EIF2B3: variants seen among roughly 807,000 people sequenced by gnomAD.
The protein encoded by EIF2B3 is translation initiation factor eIF2B subunit gamma.
EIF2B3 carries 20 observed loss-of-function variants against 54.1 expected under a neutral mutation model. The ratio of observed to expected loss-of-function variants is 0.37; its 90% confidence interval spans 0.26 to 0.54. The LOEUF is 0.54. Among genes scored for constraint, EIF2B3 ranks in the 20% least tolerant of loss-of-function variants. The probability of loss-of-function intolerance (pLI) is 0.86; values close to 1 mark genes in which losing one functional copy is unlikely to be tolerated. For missense variants in EIF2B3, 448 were observed against 547.8 expected, an observed-to-expected ratio of 0.82 and a Z score of 1.82; for synonymous variants, 153 against 188.1, an observed-to-expected ratio of 0.81 and a Z score of 1.52.
chr1:44,979,903 T>G (rs905507043), intron 2 of EIF2B3, among the ~76,000 whole-genome samples: 1 of 151,512 alleles, frequency 6.6e-6, no homozygotes, highest in Non-Finnish European at 1.5e-5. Context: ...GAGGTGGAGG[T>G]TGCAGTGAGC....
chr1:44,876,755 G>A (rs1201590327), intron 8 of EIF2B3, among the ~76,000 whole-genome samples: 1 of 143,706 alleles, frequency 7.0e-6, no homozygotes, highest in African/African-American at 2.7e-5. Context: ...GAATAGAAAG[G>A]CGGGAAAGGT....
chr1:44,875,747 C>T (rs769747025), intron 8 of EIF2B3, 52 bp from the exon 9 acceptor site: 104 of 1,296,886 alleles, frequency 8.0e-5, no homozygotes, highest in South Asian at 5.4e-4. Flanking sequence ...TTAGGTAGCT[C>T]TCCCTCTCCC....
At position 44,972,679 on chromosome 1, in the gene EIF2B3, T is replaced by TA. The variant is rs546256722; in HGVS notation, c.294+5635_294+5636insT. ...ACACTGATTTTAATTTATTTATATA[T>TA]TTTTTTGAGACAGAATCTCCCTCTG... On this transcript the variant is annotated intron_variant, in intron 3 of 11. Transcript: ENST00000360403. The TA allele has an allele frequency of 4.9e-3, 752 of 152,298 alleles. 4 individuals are homozygous for TA. Among genetic ancestry groups the TA allele is most frequent in the East Asian group, 7.9e-3 (41 of 5,192 alleles). 9.4% of individuals were successfully genotyped at this position (152,298 alleles called of 1,614,324 possible). A position where few individuals can be genotyped will look rare whatever the true frequency, so the allele number is the denominator to read the frequency against.
intron 5 of EIF2B3, among the ~76,000 whole-genome samples, chr1:44,906,869 C>T (rs183321552): frequency 1.3e-5 from 2 of 152,226 alleles, no homozygotes; most frequent in African/African-American, 4.8e-5. Flanking sequence ...CTCTGAACAC[C>T]GAGTCTATAT....
chr1:44,889,777 C>T (rs1655735359), intron 6 of EIF2B3, among the ~76,000 whole-genome samples: 1 of 152,012 alleles, frequency 6.6e-6, no homozygotes, highest in Non-Finnish European at 1.5e-5. Flanking sequence ...GATCCACCTG[C>T]CTTGGCCTCC....
intron 5 of EIF2B3, among the ~76,000 whole-genome samples, chr1:44,904,404 TGAG>T (rs1164076233): frequency 6.6e-6 from 1 of 152,256 alleles, no homozygotes; most frequent in Admixed American, 6.5e-5. Context: ...ACAATTCAGA[TGAG>T]GATAAAAGCC....
chr1:44,857,869 TG>T, intron 10 of EIF2B3, 62 bp from the exon 11 acceptor site: 1 of 1,525,922 alleles, frequency 6.6e-7, no homozygotes, highest in South Asian at 1.1e-5. Flanking sequence ...TCATTACTAT[TG>T]GTTGGGGGTT....
In EIF2B3 at chr1:44,941,601, A is replaced by T. The variant is rs1164638252; in HGVS notation, c.359T>A (p.Leu120Gln). The T allele has an allele frequency of 1.4e-5, 23 of 1,614,016 alleles. No individual in the cohort carries two copies. The highest frequency in any genetic ancestry group is 1.9e-5 in the Non-Finnish European group (23 of 1,180,038). ...TDVALHEVVD[L>Q]FRAYDASLAM... The stretch of plus-strand genomic sequence containing the variant: ...AAGTGATGCATCATAAGCTCTAAAC[A>T]GGTCCACAACCTCATGTAAGGCAAC... The change falls in exon 4 of 12, where the codon CTG (leucine) becomes CAG (glutamine). Residue 120 changes from leucine (L) to glutamine (Q), a missense_variant. By Grantham distance (113) the Leu-to-Gln change is moderately radical. Around this residue, in one of 3 missense-constraint regions of EIF2B3, gnomAD observed 350 missense variants for 414.2 expected, o/e 0.85. Transcript: ENST00000360403.
intron 3 of EIF2B3, among the ~76,000 whole-genome samples, chr1:44,955,658 C>A (rs1274321862): frequency 6.6e-6 from 1 of 151,732 alleles, no homozygotes; most frequent in Non-Finnish European, 1.5e-5. Context: ...GGAACTTAAA[C>A]AAATTTATAA....
intron 3 of EIF2B3, among the ~76,000 whole-genome samples, chr1:44,954,609 T>C (rs1431964960): frequency 1.3e-5 from 2 of 152,238 alleles, no homozygotes; most frequent in Non-Finnish European, 2.9e-5. Flanking sequence ...GCTTATCAGC[T>C]TAAGGAGATT....
chr1:44,882,922 CT>C (rs1256910683), intron 6 of EIF2B3, among the ~76,000 whole-genome samples: 10 of 135,290 alleles, frequency 7.4e-5, no homozygotes, highest in Non-Finnish European at 4.8e-5. Context: ...ACTTTTTTTT[CT>C]TTTTCTTTTT....
intron 6 of EIF2B3, among the ~76,000 whole-genome samples, chr1:44,885,185 A>C (rs1205632282): frequency 6.6e-6 from 1 of 152,212 alleles, no homozygotes; most frequent in African/African-American, 2.4e-5. Flanking sequence ...TGAAATCATA[A>C]GCTCTTCTCA....
chr1:44,868,983 C>T (rs1292324394), intron 10 of EIF2B3, among the ~76,000 whole-genome samples: 3 of 152,118 alleles, frequency 2.0e-5, no homozygotes. Context: ...TGGAGCCAGA[C>T]CATGAGGAAT....
intron 1 of EIF2B3, among the ~76,000 whole-genome samples, chr1:44,986,078 C>G (rs1235551676): frequency 1.3e-5 from 2 of 152,034 alleles, no homozygotes; most frequent in African/African-American, 4.8e-5. Context: ...CTGGTGCTCG[C>G]TCACTCGCTG....
chr1:44,918,369 T>C (rs1400616320), intron 5 of EIF2B3, among the ~76,000 whole-genome samples: 1 of 146,396 alleles, frequency 6.8e-6, no homozygotes, highest in Non-Finnish European at 1.5e-5. Context: ...GGAGTGAGCC[T>C]CTGTGCCCAG....
At chr1:44,955,621 A>G (rs1644215002) in intron 3 of EIF2B3, among the ~76,000 whole-genome samples, 1 of 152,160 alleles carries the variant, frequency 6.6e-6, no homozygotes, top group African/African-American at 2.4e-5. Context: ...TCCATCTGAC[A>G]AAAAGGCTAA....
intron 5 of EIF2B3, among the ~76,000 whole-genome samples, chr1:44,908,820 C>A (rs559586234): frequency 6.6e-6 from 1 of 152,216 alleles, no homozygotes; most frequent in East Asian, 1.9e-4. Flanking sequence ...GGACTGGCCC[C>A]AAACTTCTTC....
At chr1:44,911,297 G>A (rs906544747) in intron 5 of EIF2B3, among the ~76,000 whole-genome samples, 2 of 152,116 alleles carry the variant, frequency 1.3e-5, no homozygotes, top group African/African-American at 4.8e-5. Flanking sequence ...CAAAGATCCT[G>A]AATCACTGGG....
At chr1:44,952,504 C>T (rs985111819) in intron 3 of EIF2B3, among the ~76,000 whole-genome samples, 1 of 151,708 alleles carries the variant, frequency 6.6e-6, no homozygotes, top group African/African-American at 2.4e-5. Flanking sequence ...AATCTATATG[C>T]ATTACATATT....
Sources: gnomAD v4.1 joint callset for allele counts (sites outside exome capture counted in the v4.1 genomes callset) on GRCh38, gnomAD v4.1.1 for gene constraint, gnomAD v4.1.1 regional missense constraint, MANE v1.5 for transcripts, NCBI Gene and HGNC (gene_info 2026-07-23, HGNC 2026-07-21) for gene names.